The following PLCB1 variants were observed in gnomAD, a reference collection of about 807,000 sequenced individuals.
PLCB1 encodes the protein phospholipase C beta 1.
Under a neutral mutation model 161.8 loss-of-function variants are expected in PLCB1, and 46 were observed. The ratio of observed to expected loss-of-function variants is 0.28; its 90% CI spans 0.22 to 0.36. The LOEUF is 0.36. Among genes scored for constraint, PLCB1 ranks in the 10% least tolerant of loss-of-function variants. The pLI, the probability that PLCB1 is intolerant of heterozygous loss-of-function variation, is 1.00. For missense variants in PLCB1, 1,016 were observed against 1,472.5 expected, an observed-to-expected ratio of 0.69 and a Z score of 5.07; for synonymous variants, 517 against 503.7, an observed-to-expected ratio of 1.03 and a Z score of -0.35.
At chr20:8,371,515 C>T in intron 3 of PLCB1, 65 bp downstream of exon 3, 1 of 1,089,060 alleles carries the variant, frequency 9.2e-7, no homozygotes, top group Non-Finnish European at 1.4e-6. Flanking sequence ...GTCACAATAT[C>T]AATTAATTGC....
At chr20:8,786,157 T>C (rs1336463803) in intron 27 of PLCB1, among the ~76,000 whole-genome samples, 1 of 152,108 alleles carries the variant, frequency 6.6e-6, no homozygotes, top group African/African-American at 2.4e-5. Flanking sequence ...CTGTAACTCC[T>C]TCAAGTGGTT....
intron 2 of PLCB1, among the ~76,000 whole-genome samples, chr20:8,348,289 G>A (rs1986060380): frequency 6.6e-6 from 1 of 152,174 alleles, no homozygotes; most frequent in African/African-American, 2.4e-5. Flanking sequence ...CATGCACGAA[G>A]GAAGGTACTT....
At chr20:8,199,178 G>T (rs1226508043) in intron 2 of PLCB1, among the ~76,000 whole-genome samples, 1 of 151,788 alleles carries the variant, frequency 6.6e-6, no homozygotes, top group Non-Finnish European at 1.5e-5. Context: ...ATTTTTAAAG[G>T]CTGGACAGTA....
intron 4 of PLCB1, among the ~76,000 whole-genome samples, chr20:8,643,779 TTCTCCCTCTCCCTCTCCCCATGG>T (rs1195766844): frequency 1.8e-5 from 1 of 54,884 alleles, no homozygotes; most frequent in African/African-American, 7.5e-5. Context: ...CTCTCCCTCT[TTCTCCCTCTCCCTCTCCCCATGG>T]TCTCCCTCTC....
At chr20:8,136,426 A>G (rs2051348415) in intron 1 of PLCB1, among the ~76,000 whole-genome samples, 1 of 152,134 alleles carries the variant, frequency 6.6e-6, no homozygotes, top group Non-Finnish European at 1.5e-5. Flanking sequence ...GGAGATCGAG[A>G]CCATCCTGGC....
rs371836156 is a variant in PLCB1 at position 8,416,694 on chromosome 20, G to C, written c.246+45244G>C. Among the ~76,000 whole-genome samples, 3 of 152,204 alleles carry C rather than the reference G, an allele frequency of 2.0e-5. No individual in the cohort carries two copies. In the South Asian group the frequency reaches 6.2e-4, roughly 32 times the overall value. On this transcript the variant is annotated intron_variant, in intron 3 of 31. Coordinates refer to ENST00000338037, the MANE Select transcript of PLCB1 (RefSeq NM_015192.4). The stretch of plus-strand genomic sequence containing the variant: ...GATTTAACATGTATAGTAATGACCT[G>C]CTTGGAGATGGAAGGATTTGAGCCA...
chr20:8,486,374 T>C (rs1381947611), intron 3 of PLCB1, among the ~76,000 whole-genome samples: 3 of 152,186 alleles, frequency 2.0e-5, no homozygotes, highest in Non-Finnish European at 4.4e-5. Flanking sequence ...TTTCCCTTTT[T>C]AGACTTTCAA....
chr20:8,279,952 A>G (rs537875018), intron 2 of PLCB1, among the ~76,000 whole-genome samples: 1 of 152,290 alleles, frequency 6.6e-6, no homozygotes, highest in Admixed American at 6.5e-5. Context: ...GCAGTGTTCC[A>G]TCTCTTGATC....
intron 3 of PLCB1, among the ~76,000 whole-genome samples, chr20:8,441,399 A>C (rs2122613017): frequency 6.6e-6 from 1 of 152,332 alleles, no homozygotes; most frequent in South Asian, 2.1e-4. Context: ...TTGCTTCAAG[A>C]GAAAATTGCT....
intron 2 of PLCB1, among the ~76,000 whole-genome samples, chr20:8,210,986 A>G (rs897967802): frequency 6.6e-6 from 1 of 152,138 alleles, no homozygotes; most frequent in African/African-American, 2.4e-5. Flanking sequence ...TGCATTCTCA[A>G]TAGCAGGGAT....
chr20:8,324,057 A>T (rs1401584796), intron 2 of PLCB1, among the ~76,000 whole-genome samples: 1 of 152,158 alleles, frequency 6.6e-6, no homozygotes, highest in Non-Finnish European at 1.5e-5. Context: ...TTGCTTTTTC[A>T]CTGAATTAAA....
chr20:8,802,052 A>G, intron 31 of PLCB1: 1 of 1,561,486 alleles, frequency 6.4e-7, no homozygotes, highest in South Asian at 1.1e-5. Flanking sequence ...TTTTTTCCAC[A>G]CAGGGGGAAG....
chr20:8,623,537 C>T (rs1472644864), intron 3 of PLCB1, among the ~76,000 whole-genome samples: 1 of 152,020 alleles, frequency 6.6e-6, no homozygotes, highest in Non-Finnish European at 1.5e-5. Flanking sequence ...AATGCCACTG[C>T]GGGATATGAA....
At chr20:8,559,799 T>C (rs1986084877) in intron 3 of PLCB1, among the ~76,000 whole-genome samples, 2 of 152,030 alleles carry the variant, frequency 1.3e-5, no homozygotes, top group South Asian at 4.1e-4. Context: ...AGCTTAAGGT[T>C]TGATATAGAA....
At chr20:8,811,088 C>T (rs1282673956) in intron 31 of PLCB1, among the ~76,000 whole-genome samples, 4 of 152,162 alleles carry the variant, frequency 2.6e-5, no homozygotes, top group African/African-American at 9.7e-5. Context: ...AGAGGAAAAG[C>T]AGTGCATGAG....
intron 2 of PLCB1, among the ~76,000 whole-genome samples, chr20:8,348,110 G>T (rs1986055160): frequency 6.6e-6 from 1 of 152,210 alleles, no homozygotes; most frequent in South Asian, 2.1e-4. Flanking sequence ...TTCTGTTGGG[G>T]AAGAGGTGTT....
At chr20:8,193,122 G>A (rs925452204) in intron 2 of PLCB1, among the ~76,000 whole-genome samples, 9 of 152,100 alleles carry the variant, frequency 5.9e-5, no homozygotes, top group South Asian at 4.1e-4. Context: ...AACTTGACAC[G>A]TATTTTGTAG....
chr20:8,511,487 G>C (rs1266046199), intron 3 of PLCB1, among the ~76,000 whole-genome samples: 1 of 152,158 alleles, frequency 6.6e-6, no homozygotes, highest in Non-Finnish European at 1.5e-5. Flanking sequence ...GAACATAGGA[G>C]AGTGGATATT....
intron 2 of PLCB1, among the ~76,000 whole-genome samples, chr20:8,185,741 A>G (rs931938904): frequency 2.6e-5 from 4 of 152,184 alleles, no homozygotes; most frequent in African/African-American, 9.6e-5. Flanking sequence ...CTTATTACAA[A>G]AAAGAATGTT....
Sources: allele counts gnomAD v4.1 joint callset (sites outside exome capture counted in the v4.1 genomes callset), GRCh38; gene constraint gnomAD v4.1.1; transcripts MANE v1.5; gene names NCBI Gene and HGNC (gene_info 2026-07-23, HGNC 2026-07-21).